Variants in DOCK1 observed in about 807,000 individuals in gnomAD.
The protein encoded by DOCK1 is dedicator of cytokinesis 1, also known as dedicator of cytokinesis protein 1.
In DOCK1, 138 loss-of-function variants were observed where a neutral mutation model predicts 262.7. The observed-to-expected ratio is 0.53, with a 90% CI of 0.46 to 0.61. The LOEUF (loss-of-function observed/expected upper bound fraction) is 0.61, where lower values mean the gene tolerates loss of function less well. Among genes scored for constraint, DOCK1 ranks in the 20% least tolerant of loss-of-function variants. The pLI is 0.00. For missense variants in DOCK1, 1,908 were observed against 2,370.7 expected (o/e 0.80, Z 4.05); for synonymous variants, 866 against 867.4 (o/e 1.00, Z 0.03).
chr10:126,917,944 C>G (rs938404570), intron 1 of DOCK1, among the ~76,000 whole-genome samples: 1 of 152,222 alleles, frequency 6.6e-6, no homozygotes, highest in Admixed American at 6.5e-5. Context: ...TGATGGAACT[C>G]TGGGTATGAG....
chr10:127,267,833 T>C (rs2060419833), intron 29 of DOCK1, among the ~76,000 whole-genome samples: 1 of 152,210 alleles, frequency 6.6e-6, no homozygotes. Flanking sequence ...CCTCCTGTGC[T>C]ACTGGGACTT....
rs1159231950 is a variant in DOCK1, at chr10:127,288,750, A to AT, written c.3044+31322dup. Among the ~76,000 whole-genome samples, 4 of 146,482 alleles carry AT rather than the reference A, an allele frequency of 2.7e-5. No individual in the cohort carries two copies. The Middle Eastern group carries it at 0.011, about 390-fold the overall frequency. ...TACAGCATAATATAGAATACATAGT[A>AT]TATACTATACTATGTATATATTTCA... On this transcript the variant is annotated intron_variant, in intron 29 of 51. Transcript: ENST00000623213.
In DOCK1 at chr10:127,355,010, C is replaced by T. The variant is rs1187128761; in HGVS notation, c.3283+283C>T. On this transcript the variant is annotated intron_variant, in intron 32 of 51. Transcript: ENST00000623213. The stretch of plus-strand genomic sequence containing the variant: ...GGAGCTCCTCCCTCCCTGGTGTTGC[C>T]TCCCTCCCTCAGTTGCCTCAGTTCC... Among the ~76,000 whole-genome samples, 4 of 152,332 alleles carry T rather than the reference C, an allele frequency of 2.6e-5. No individual in the cohort carries two copies. In the East Asian group the frequency reaches 7.7e-4, roughly 29 times the overall value.
chr10:127,179,488 T>G (rs942678176), intron 27 of DOCK1, among the ~76,000 whole-genome samples: 1 of 152,182 alleles, frequency 6.6e-6, no homozygotes, highest in African/African-American at 2.4e-5. Context: ...CCAAGGAATT[T>G]TTGTGGCTGG....
In DOCK1 at chr10:127,176,068, C is replaced by T. The variant is rs772686532; in HGVS notation, c.2847+48304C>T. On this transcript the variant is annotated intron_variant, in intron 27 of 51. Transcript: ENST00000623213. The surrounding 1 kb of genome is among the most constrained non-coding windows in gnomAD (Gnocchi z 4.4). ...AACGTCTGGTAACACTTCTTAAGGTCGGGCGAGGTCTGCACGCCTGTGCTC... is the reference window on the plus strand; with the variant it reads ...AACGTCTGGTAACACTTCTTAAGGTTGGGCGAGGTCTGCACGCCTGTGCTC... 8.1e-6 allele frequency: 13 copies of T among 1,613,930 alleles called. No homozygotes were observed. The East Asian group carries it at 1.3e-4, about 17-fold the overall frequency.
At chr10:127,108,497 G>C (rs1394678256) in intron 24 of DOCK1, among the ~76,000 whole-genome samples, 1 of 152,180 alleles carries the variant, frequency 6.6e-6, no homozygotes, top group Non-Finnish European at 1.5e-5. Flanking sequence ...TGAGGCAGGA[G>C]AATTGTTTGA....
chr10:127,382,331 T>C (rs2065870893), intron 37 of DOCK1, among the ~76,000 whole-genome samples: 1 of 152,234 alleles, frequency 6.6e-6, no homozygotes, highest in African/African-American at 2.4e-5. Flanking sequence ...TAAGACTCTT[T>C]CCATCTTTGG....
intron 35 of DOCK1, among the ~76,000 whole-genome samples, chr10:127,376,998 G>C (rs2065533238): frequency 2.6e-5 from 4 of 152,152 alleles, no homozygotes; most frequent in Admixed American, 2.6e-4. Flanking sequence ...TTTTACTGTG[G>C]TCAGCACTTG....
At position 127,419,699 on chromosome 10, in the gene DOCK1, C is replaced by A; in HGVS notation, c.4726C>A (p.Pro1576Thr). Reference protein sequence around the residue: ...FFTDRYLQEHPEAHEKIEKLK... With the variant: ...FFTDRYLQEHTEAHEKIEKLK... ...TACAGACCGGTACCTGCAGGAGCACCCTGAGGCCCATGAAAAGATCGAGAA... is the reference window on the plus strand; with the variant it reads ...TACAGACCGGTACCTGCAGGAGCACACTGAGGCCCATGAAAAGATCGAGAA... The change falls in exon 46 of 52, where the codon CCT becomes ACT. Residue 1576 changes from proline to threonine, a missense_variant. Pro to Thr is a conservative substitution (Grantham distance 38). This residue lies in a region of DOCK1 where 383 missense variants were observed against 420.1 expected (regional missense o/e 0.91). Transcript: ENST00000623213. 1 of 1,606,054 alleles carries A rather than the reference C, an allele frequency of 6.2e-7. No individual in the cohort carries two copies. Among genetic ancestry groups the A allele is most frequent in the South Asian group, 1.1e-5 (1 of 89,122 alleles).
intron 27 of DOCK1, among the ~76,000 whole-genome samples, chr10:127,143,160 T>A (rs578091196): frequency 6.6e-6 from 1 of 152,328 alleles, no homozygotes; most frequent in South Asian, 2.1e-4. Context: ...CTCAAGATAA[T>A]TTAAGAGGAA....
At chr10:127,344,002 G>A (rs554799375) in intron 31 of DOCK1, among the ~76,000 whole-genome samples, 3 of 152,292 alleles carry the variant, frequency 2.0e-5, no homozygotes, top group East Asian at 1.9e-4. Context: ...TTCAGCTTCC[G>A]GAGATAATTC....
intron 40 of DOCK1, among the ~76,000 whole-genome samples, chr10:127,408,491 T>C (rs537923785): frequency 6.6e-6 from 1 of 152,214 alleles, no homozygotes; most frequent in Non-Finnish European, 1.5e-5. Context: ...CCCCTCGGGT[T>C]CTGCTCGCCT....
At chr10:127,087,528 C>T (rs996981666) in intron 23 of DOCK1, among the ~76,000 whole-genome samples, 1 of 151,968 alleles carries the variant, frequency 6.6e-6, no homozygotes, top group African/African-American at 2.4e-5. Context: ...TGTGGTCCTG[C>T]GGGCACTTCC....
chr10:127,384,988 G>A (rs1428219893), intron 38 of DOCK1, 79 bp downstream of exon 38: 37 of 1,384,422 alleles, frequency 2.7e-5, no homozygotes, highest in Middle Eastern at 1.9e-4. Flanking sequence ...GTTTTTTAGC[G>A]TGTGATTTTT....
chr10:126,949,142 C>G (rs978299164), intron 1 of DOCK1, among the ~76,000 whole-genome samples: 1 of 152,066 alleles, frequency 6.6e-6, no homozygotes, highest in Admixed American at 6.6e-5. Flanking sequence ...TCTGGGTTCC[C>G]CTCTGCACTT....
intron 27 of DOCK1, among the ~76,000 whole-genome samples, chr10:127,192,088 A>T (rs971487910): frequency 6.6e-6 from 1 of 152,186 alleles, no homozygotes; most frequent in Non-Finnish European, 1.5e-5. Context: ...TTACCATTCT[A>T]TTGGATAGAA....
At chr10:127,191,172 C>A (rs1350060780) in intron 27 of DOCK1, among the ~76,000 whole-genome samples, 3 of 152,152 alleles carry the variant, frequency 2.0e-5, no homozygotes, top group Admixed American at 6.5e-5. Flanking sequence ...TCAAGCATCA[C>A]CCACGAAGTG....
At chr10:126,927,262 G>A (rs2033812217) in intron 1 of DOCK1, among the ~76,000 whole-genome samples, 1 of 152,174 alleles carries the variant, frequency 6.6e-6, no homozygotes, top group South Asian at 2.1e-4. Context: ...TGGATTTGAT[G>A]TGAATGTTGT....
chr10:127,273,960 A>G (rs562763507), intron 29 of DOCK1, among the ~76,000 whole-genome samples: 11 of 152,230 alleles, frequency 7.2e-5, no homozygotes, highest in African/African-American at 2.4e-4. Flanking sequence ...TGATAGATGT[A>G]TTTATTTATG....
Sources: gnomAD v4.1 joint callset for allele counts (sites outside exome capture counted in the v4.1 genomes callset) on GRCh38, gnomAD v4.1.1 for gene constraint, gnomAD v4.1.1 regional missense constraint, Gnocchi (gnomAD v3.1) non-coding constraint, MANE v1.5 for transcripts, NCBI Gene and HGNC (gene_info 2026-07-23, HGNC 2026-07-21) for gene names.